The following PTPRN2 variants were observed in gnomAD, a reference collection of about 807,000 sequenced individuals.
PTPRN2 encodes protein tyrosine phosphatase receptor type N2, also known as receptor-type tyrosine-protein phosphatase N2.
In PTPRN2, 74 loss-of-function variants were observed where a neutral mutation model predicts 118.8. The observed-to-expected ratio is 0.62, with a 90% confidence interval of 0.52 to 0.76. The LOEUF is 0.76. Ranked by LOEUF, PTPRN2 falls within the 30% of genes least tolerant of loss-of-function variation. The pLI, the probability that PTPRN2 is intolerant of heterozygous loss-of-function variation, is 0.00. For synonymous variants in PTPRN2, 641 were observed against 608.0 expected, an observed-to-expected ratio of 1.05 and a Z score of -0.80; for missense variants, 1,481 against 1,394.4, an observed-to-expected ratio of 1.06 and a Z score of -0.99.
At chr7:158,318,804 G>T (rs545289987) in intron 2 of PTPRN2, among the ~76,000 whole-genome samples, 176 of 152,340 alleles carry the variant, frequency 1.2e-3, no homozygotes, top group African/African-American at 3.9e-3. Context: ...TGGCTGGTCC[G>T]GGCCCCACTC....
intron 6 of PTPRN2, among the ~76,000 whole-genome samples, chr7:158,162,250 T>G (rs1248503337): frequency 6.6e-6 from 1 of 152,210 alleles, no homozygotes; most frequent in Non-Finnish European, 1.5e-5. Flanking sequence ...ACTTAACCAG[T>G]AGAAGTTAAA....
At chr7:157,564,307 C>T (rs2150500664) in intron 21 of PTPRN2, among the ~76,000 whole-genome samples, 1 of 152,312 alleles carries the variant, frequency 6.6e-6, no homozygotes, top group East Asian at 1.9e-4. Flanking sequence ...TTAGTAGAGA[C>T]TGGGTTTTGC....
At chr7:157,643,138 ATC>A (rs1804809358) in intron 14 of PTPRN2, among the ~76,000 whole-genome samples, 1 of 152,240 alleles carries the variant, frequency 6.6e-6, no homozygotes, top group African/African-American at 2.4e-5. Context: ...ATAACCCACC[ATC>A]TGTCATACTA....
chr7:158,341,773 A>G (rs57312581), intron 2 of PTPRN2, among the ~76,000 whole-genome samples: 28 of 133,678 alleles, frequency 2.1e-4, no homozygotes, highest in East Asian at 4.7e-4. Flanking sequence ...AAGAGCTGAC[A>G]CCTGCAGACG....
chr7:157,540,441 C>A lies in PTPRN2; in HGVS notation c.*273G>T, dbSNP rs754825132. 3.0e-4 allele frequency: 97 copies of A among 322,590 alleles called. No homozygotes were observed. The highest frequency in any genetic ancestry group is 5.2e-4 in the Non-Finnish European group (92 of 175,320). 20.0% of individuals were successfully genotyped at this position (322,590 alleles called of 1,614,324 possible). ...ACACAACTTCAACCAAGAAGGTGAA[C>A]GGGTGCTTTAAGAAAAAGTATTTTT... On this transcript the variant is annotated 3_prime_UTR_variant, in exon 23 of 23. Transcript: ENST00000389418.
intron 6 of PTPRN2, among the ~76,000 whole-genome samples, chr7:158,150,624 C>T (rs1820895236): frequency 6.6e-6 from 1 of 152,102 alleles, no homozygotes; most frequent in Non-Finnish European, 1.5e-5. Context: ...ATCTCGGTGT[C>T]ATCTCCTGCC....
intron 12 of PTPRN2, among the ~76,000 whole-genome samples, chr7:157,796,197 G>A (rs1045378144): frequency 2.6e-5 from 4 of 152,234 alleles, no homozygotes; most frequent in Admixed American, 2.0e-4. Flanking sequence ...ATGAAAGATC[G>A]GCCTTGAGGT....
At chr7:157,928,677 G>T (rs992434946) in intron 11 of PTPRN2, among the ~76,000 whole-genome samples, 1 of 123,142 alleles carries the variant, frequency 8.1e-6, no homozygotes, top group African/African-American at 3.0e-5. Context: ...TTCCGACTAT[G>T]AAGAGAGGGC....
chr7:158,150,301 C>G (rs376775346), intron 6 of PTPRN2, among the ~76,000 whole-genome samples: 1 of 152,234 alleles, frequency 6.6e-6, no homozygotes, highest in Non-Finnish European at 1.5e-5. Context: ...TAAAGGCTAA[C>G]GTAACCAGAA....
At chr7:157,797,965 A>G (rs2151089082) in intron 12 of PTPRN2, among the ~76,000 whole-genome samples, 1 of 152,146 alleles carries the variant, frequency 6.6e-6, no homozygotes, top group Non-Finnish European at 1.5e-5. Flanking sequence ...TTCTTTAACG[A>G]TTATTTCTCT....
chr7:158,021,724 C>T (rs1289906844), intron 11 of PTPRN2, among the ~76,000 whole-genome samples: 3 of 152,128 alleles, frequency 2.0e-5, no homozygotes, highest in Admixed American at 6.5e-5. Context: ...TGCCCCACCT[C>T]GATCTCTGAT....
intron 2 of PTPRN2, among the ~76,000 whole-genome samples, chr7:158,328,801 C>A (rs917731259): frequency 7.0e-6 from 1 of 141,942 alleles, no homozygotes; most frequent in Non-Finnish European, 1.5e-5. Flanking sequence ...ATTCCCCCCC[C>A]CCCGCCACCC....
At chr7:157,718,421 T>C (rs1280343992) in intron 12 of PTPRN2, among the ~76,000 whole-genome samples, 1 of 152,226 alleles carries the variant, frequency 6.6e-6, no homozygotes, top group Non-Finnish European at 1.5e-5. Flanking sequence ...CACAGTCTGA[T>C]TCTACGGTGG....
intron 11 of PTPRN2, among the ~76,000 whole-genome samples, chr7:157,914,819 G>A (rs1380950456): frequency 6.6e-6 from 1 of 151,706 alleles, no homozygotes. Context: ...TGCCCTCTAT[G>A]GCTCCTACCC....
intron 17 of PTPRN2, among the ~76,000 whole-genome samples, chr7:157,582,863 A>C (rs1041705745): frequency 6.7e-6 from 1 of 148,554 alleles, no homozygotes; most frequent in Non-Finnish European, 1.5e-5. Context: ...AACAAGAGCA[A>C]AACTCCACCT....
intron 2 of PTPRN2, among the ~76,000 whole-genome samples, chr7:158,420,865 G>A (rs1044476301): frequency 4.1e-4 from 62 of 152,334 alleles, no homozygotes; most frequent in African/African-American, 1.4e-3. Flanking sequence ...CCGCGTCCCT[G>A]TTGATGAGAC....
chr7:157,833,893 G>A (rs1327067449), intron 12 of PTPRN2, among the ~76,000 whole-genome samples: 3 of 152,212 alleles, frequency 2.0e-5, no homozygotes, highest in Non-Finnish European at 4.4e-5. Context: ...GTGGGCAGCT[G>A]GCGCTGTTGG....
rs1010581576 is a variant in PTPRN2, at chr7:157,908,045, G to A, written c.1724-9308C>T. On this transcript the variant is annotated intron_variant, in intron 11 of 22. Coordinates refer to ENST00000389418, the MANE Select transcript of PTPRN2 (RefSeq NM_002847.5). ...CCGCAGAGCCGCCTTTATTCTCCTC[G>A]GACACAGCACAGCGCGCCTGGTGAG... Among the ~76,000 whole-genome samples, 4 of 152,206 alleles carry A rather than the reference G, an allele frequency of 2.6e-5. No homozygotes were observed. The South Asian group carries it at 6.2e-4, about 24-fold the overall frequency.
At chr7:158,422,475 C>A (rs74603433) in intron 2 of PTPRN2, among the ~76,000 whole-genome samples, 1 of 152,174 alleles carries the variant, frequency 6.6e-6, no homozygotes, top group African/African-American at 2.4e-5. Context: ...GATGCACACA[C>A]ATACTCTTAC....
Sources: gnomAD v4.1 joint callset for allele counts (sites outside exome capture counted in the v4.1 genomes callset) on GRCh38, gnomAD v4.1.1 for gene constraint, MANE v1.5 for transcripts, NCBI Gene and HGNC (gene_info 2026-07-23, HGNC 2026-07-21) for gene names.